Variants in CLASP2 observed in about 807,000 individuals in gnomAD.
The protein encoded by CLASP2 is cytoplasmic linker associated protein 2, also known as CLIP-associating protein 2.
A neutral mutation model predicts 194.4 loss-of-function variants in CLASP2; 47 were observed. The observed-to-expected ratio is 0.24, with a 90% CI of 0.19 to 0.31. The LOEUF (loss-of-function observed/expected upper bound fraction) is 0.31, where lower values mean the gene tolerates loss of function less well. CLASP2 is among the 10% of genes least tolerant of loss of function. The pLI, the probability that CLASP2 is intolerant of heterozygous loss-of-function variation, is 1.00. For synonymous variants in CLASP2, 619 were observed against 633.5 expected (o/e 0.98, Z 0.34); for missense variants, 1,445 against 1,823.6 (o/e 0.79, Z 3.78).
chr3:33,512,946 G>A lies in CLASP2; in HGVS notation c.4111-2182C>T, dbSNP rs147998042. Among the ~76,000 whole-genome samples the A allele has an allele frequency of 3.3e-4, 50 of 152,144 alleles. No individual in the cohort carries two copies. The East Asian group carries it at 6.2e-3, about 19-fold the overall frequency. ...GCAGAGATTGCAGTGAGCCAAGATC[G>A]TGCCACTGCACTCCAGCCAGGGCGA... On this transcript the variant is annotated intron_variant, in intron 36 of 38. Coordinates refer to ENST00000682230, the MANE Select transcript of CLASP2 (RefSeq NM_001365631.1).
chr3:33,506,202 G>A (rs1350239081), intron 37 of CLASP2, among the ~76,000 whole-genome samples: 1 of 151,588 alleles, frequency 6.6e-6, no homozygotes, highest in Non-Finnish European at 1.5e-5. Flanking sequence ...GTGAAACCTT[G>A]TCTCTACTAA....
At chr3:33,711,255 T>C (rs1404505996) in intron 1 of CLASP2, among the ~76,000 whole-genome samples, 2 of 151,130 alleles carry the variant, frequency 1.3e-5, no homozygotes, top group African/African-American at 4.9e-5. Flanking sequence ...CATTTTTTTT[T>C]TTTTTTTTGA....
chr3:33,571,366 T>C (rs937107972), intron 25 of CLASP2, among the ~76,000 whole-genome samples: 7 of 151,524 alleles, frequency 4.6e-5, no homozygotes, highest in Non-Finnish European at 8.8e-5. Context: ...CGGTGGTTCA[T>C]GTCTGTAATC....
chr3:33,615,664 T>C (rs944226466), intron 12 of CLASP2, among the ~76,000 whole-genome samples: 2 of 151,776 alleles, frequency 1.3e-5, no homozygotes, highest in South Asian at 2.1e-4. Context: ...GAATTCTACA[T>C]TTGTAAATGA....
chr3:33,637,135 G>C (rs543231239), intron 8 of CLASP2, among the ~76,000 whole-genome samples: 1 of 152,180 alleles, frequency 6.6e-6, no homozygotes, highest in Admixed American at 6.5e-5. Flanking sequence ...AAAGAAATGA[G>C]ACAAATACAG....
intron 7 of CLASP2, among the ~76,000 whole-genome samples, chr3:33,654,764 G>A (rs1411970279): frequency 6.6e-6 from 1 of 152,046 alleles, no homozygotes; most frequent in African/African-American, 2.4e-5. Context: ...TTCACATGCA[G>A]ATGCAGTATT....
In CLASP2 at chr3:33,536,255, C is replaced by CAAA. The variant is rs71952127; in HGVS notation, c.3559-797_3559-795dup. On this transcript the variant is annotated intron_variant, in intron 33 of 38. Coordinates refer to ENST00000682230, the MANE Select transcript of CLASP2 (RefSeq NM_001365631.1). ...TTTATATTTTAGTGGAGGGACAGACCAAAAAAAAAAAAAACTTAATGAACG... is the reference window on the plus strand; with the variant it reads ...TTTATATTTTAGTGGAGGGACAGACCAAAAAAAAAAAAAAAAACTTAATGAACG... 2.1e-3 allele frequency among the ~76,000 whole-genome samples: 288 copies of CAAA among 137,090 alleles called. 1 individual carries two copies. The highest frequency in any genetic ancestry group is 7.6e-3 in the Middle Eastern group (2 of 262). The allele number at this position is 137,090 out of a possible 152,430, so 89.9% of individuals were successfully genotyped here.
intron 27 of CLASP2, among the ~76,000 whole-genome samples, chr3:33,565,985 T>G (rs930704243): frequency 1.3e-5 from 2 of 152,170 alleles, no homozygotes; most frequent in Non-Finnish European, 2.9e-5. Context: ...TGTCCCTCTC[T>G]AACCTCCTCA....
intron 23 of CLASP2, among the ~76,000 whole-genome samples, chr3:33,576,835 A>G (rs1379055870): frequency 6.6e-6 from 1 of 152,128 alleles, no homozygotes; most frequent in Non-Finnish European, 1.5e-5. Flanking sequence ...CAAACCAGAG[A>G]TGAATTCTCC....
intron 7 of CLASP2, among the ~76,000 whole-genome samples, chr3:33,655,668 C>T (rs12495812): frequency 0.071 from 10,802 of 152,124 alleles, 460 homozygotes; most frequent in Admixed American, 0.1. Context: ...GAATATTCAA[C>T]AGCATGGAAG....
chr3:33,513,390 G>A (rs1006889186), intron 36 of CLASP2, among the ~76,000 whole-genome samples: 3 of 151,932 alleles, frequency 2.0e-5, no homozygotes, highest in Non-Finnish European at 4.4e-5. Flanking sequence ...AAATTAGCTG[G>A]GCATGGTGGT....
At chr3:33,582,803 G>A (rs1291182185) in intron 22 of CLASP2, among the ~76,000 whole-genome samples, 2 of 152,184 alleles carry the variant, frequency 1.3e-5, no homozygotes, top group Non-Finnish European at 2.9e-5. Flanking sequence ...AGGTGGAGTA[G>A]AGAATTTAAA....
chr3:33,507,482 TTTAA>T (rs1457060505), intron 37 of CLASP2, among the ~76,000 whole-genome samples: 1 of 152,144 alleles, frequency 6.6e-6, no homozygotes, highest in Non-Finnish European at 1.5e-5. Flanking sequence ...AAAGAAAACT[TTTAA>T]TTTTTATTTT....
chr3:33,713,142 T>TATGA (rs1186026615), intron 1 of CLASP2, among the ~76,000 whole-genome samples: 1 of 152,036 alleles, frequency 6.6e-6, no homozygotes, highest in Non-Finnish European at 1.5e-5. Flanking sequence ...GGGTAGTCAG[T>TATGA]ATGACATATT....
chr3:33,619,773 T>C, intron 11 of CLASP2, 35 bp from the exon 12 acceptor site: 1 of 1,506,774 alleles, frequency 6.6e-7, no homozygotes, highest in Admixed American at 2.1e-5. Flanking sequence ...TTTTAATAGT[T>C]TAACATTAAA....
At chr3:33,572,911 A>ATT (rs80341372) in intron 25 of CLASP2, among the ~76,000 whole-genome samples, 199 bp downstream of exon 25, 1,504 of 139,520 alleles carry the variant, frequency 0.011, 30 homozygotes, top group African/African-American at 0.035. Context: ...AGAACAAATA[A>ATT]TTTTTTTTTT....
intron 37 of CLASP2, among the ~76,000 whole-genome samples, chr3:33,507,982 G>A (rs557739405): frequency 1.1e-4 from 16 of 149,888 alleles, no homozygotes; most frequent in Admixed American, 4.0e-4. Flanking sequence ...GTGTGTGTGT[G>A]TATATATATA....
intron 18 of CLASP2, chr3:33,602,531 G>C (rs2072550506): frequency 1.3e-6 from 1 of 762,150 alleles, no homozygotes; most frequent in Non-Finnish European, 2.4e-6. Context: ...TATGTTTAGG[G>C]TTTGGTTAGA....
intron 20 of CLASP2, chr3:33,592,715 C>A: frequency 1.7e-6 from 1 of 592,746 alleles, no homozygotes; most frequent in Non-Finnish European, 3.0e-6. Flanking sequence ...AAGAATCAAA[C>A]TAAAAGATTT....
Sources: allele counts gnomAD v4.1 joint callset (sites outside exome capture counted in the v4.1 genomes callset), GRCh38; gene constraint gnomAD v4.1.1; transcripts MANE v1.5; gene names NCBI Gene and HGNC (gene_info 2026-07-23, HGNC 2026-07-21).